SLFN12L: variants seen among roughly 807,000 people sequenced by gnomAD.
The protein encoded by SLFN12L is schlafen family member 12-like.
Under a neutral mutation model 34.8 loss-of-function variants are expected in SLFN12L, and 34 were observed. The ratio of observed to expected loss-of-function variants is 0.98; its 90% CI spans 0.74 to 1.30. The LOEUF is 1.30. SLFN12L is among the 50% of genes most tolerant of loss of function. The pLI is 0.00. For synonymous variants in SLFN12L, 259 were observed against 247.5 expected (o/e 1.05, Z -0.44); for missense variants, 703 against 696.2 (o/e 1.01, Z -0.11).
intron 2 of SLFN12L, among the ~76,000 whole-genome samples, chr17:35,505,060 T>C (rs965654406): frequency 1.3e-5 from 2 of 152,194 alleles, no homozygotes; most frequent in Middle Eastern, 3.2e-3. Flanking sequence ...TGAAGTCCCA[T>C]GAGGAATACC....
chr17:35,522,438 C>T lies in SLFN12L; in HGVS notation c.-74G>A. On this transcript the variant is annotated 5_prime_UTR_variant, in exon 2 of 5. Coordinates refer to ENST00000628453, the MANE Select transcript of SLFN12L (RefSeq NM_001363830.2). ...AAACAATTCTCTGTTCTTGTGGAAG[C>T]TTCTGGAGAATATCTCATACTGCTG... 1 of 1,614,082 alleles carries T rather than the reference C, an allele frequency of 6.2e-7. No homozygotes were observed. Among genetic ancestry groups the T allele is most frequent in the East Asian group, 2.2e-5 (1 of 44,880 alleles).
At chr17:35,478,043 C>A in intron 4 of SLFN12L, 32 bp downstream of exon 4, 2 of 1,395,378 alleles carry the variant, frequency 1.4e-6, no homozygotes, top group South Asian at 2.5e-5. Context: ...ACAGTTACAC[C>A]AACAACTCCA....
Position 35,468,914 on chromosome 17 carries a change from T to C in SLFN12L, c.*6009A>G, listed in dbSNP as rs1273422434. Among the ~76,000 whole-genome samples the C allele has an allele frequency of 6.6e-6, 1 of 151,924 alleles. No homozygotes were observed. The highest frequency in any genetic ancestry group is 1.9e-4 in the East Asian group (1 of 5,178). On this transcript the variant is annotated 3_prime_UTR_variant, in exon 5 of 5. Transcript: ENST00000628453. ...ACCTGTAGTCCCAGCTACTCAAGAGTCTGAGGCAGGAGAATCTCTTGATGT... is the reference window on the plus strand; with the variant it reads ...ACCTGTAGTCCCAGCTACTCAAGAGCCTGAGGCAGGAGAATCTCTTGATGT...
At chr17:35,506,350 C>T (rs1915465013) in intron 2 of SLFN12L, among the ~76,000 whole-genome samples, 1 of 152,182 alleles carries the variant, frequency 6.6e-6, no homozygotes, top group South Asian at 2.1e-4. Context: ...AATGTAGATA[C>T]TGGTCTTGTG....
chr17:35,507,571 T>C (rs1244726744), intron 2 of SLFN12L, among the ~76,000 whole-genome samples: 1 of 152,204 alleles, frequency 6.6e-6, no homozygotes, highest in Non-Finnish European at 1.5e-5. Context: ...GTTGAAGACA[T>C]AGTTAGAAAT....
chr17:35,488,665 C>T (rs190210746), intron 2 of SLFN12L, among the ~76,000 whole-genome samples: 6 of 152,320 alleles, frequency 3.9e-5, no homozygotes, highest in Non-Finnish European at 8.8e-5. Context: ...CCCTTTCTCC[C>T]TAGCTCCATC....
intron 1 of SLFN12L, among the ~76,000 whole-genome samples, chr17:35,524,959 G>A (rs2072319447): frequency 6.6e-6 from 1 of 151,832 alleles, no homozygotes; most frequent in Non-Finnish European, 1.5e-5. Context: ...TAAGAACCTT[G>A]AAAAAAGGTT....
intron 1 of SLFN12L, among the ~76,000 whole-genome samples, chr17:35,536,056 C>A (rs1215283286): frequency 6.6e-6 from 1 of 151,652 alleles, no homozygotes; most frequent in African/African-American, 2.4e-5. Flanking sequence ...TGGGCTCAAG[C>A]GATCTTCCCA....
chr17:35,530,279 G>A (rs1417265616), intron 1 of SLFN12L, among the ~76,000 whole-genome samples: 5 of 148,114 alleles, frequency 3.4e-5, no homozygotes, highest in South Asian at 2.2e-4. Context: ...CCCGGGAGGC[G>A]GAGGTTGCAG....
chr17:35,507,203 T>C (rs1597864656), intron 2 of SLFN12L, among the ~76,000 whole-genome samples: 1 of 152,186 alleles, frequency 6.6e-6, no homozygotes, highest in South Asian at 2.1e-4. Context: ...GGCTTCCCTG[T>C]CTATGCTTCC....
chr17:35,522,897 T>C lies in SLFN12L; in HGVS notation c.-533A>G, dbSNP rs1916041506. 2 of 706,798 alleles carry C rather than the reference T, an allele frequency of 2.8e-6. No homozygotes were observed. Among genetic ancestry groups the C allele is most frequent in the Non-Finnish European group, 4.9e-6 (2 of 406,850 alleles). The allele number at this position is 706,798 out of a possible 1,614,324, so 43.8% of individuals were successfully genotyped here. A position where few individuals can be genotyped will look rare whatever the true frequency, so the allele number is the denominator to read the frequency against. The stretch of plus-strand genomic sequence containing the variant: ...TTGGGTTTGCTTATTTATTAACTCC[T>C]CTAATCCTTCATTCTGTGAGGACAG... On this transcript the variant is annotated 5_prime_UTR_variant, in exon 2 of 5. Transcript: ENST00000628453.
intron 2 of SLFN12L, among the ~76,000 whole-genome samples, chr17:35,508,013 T>C (rs899561727): frequency 1.3e-5 from 2 of 152,220 alleles, no homozygotes; most frequent in Non-Finnish European, 2.9e-5. Flanking sequence ...GCAGATAGCC[T>C]GGTGCCGTGC....
chr17:35,500,940 G>A (rs1915273408), intron 2 of SLFN12L, among the ~76,000 whole-genome samples: 1 of 152,172 alleles, frequency 6.6e-6, no homozygotes, highest in Admixed American at 6.5e-5. Context: ...GCCCTTAAAA[G>A]GGACAGGAAT....
intron 2 of SLFN12L, chr17:35,499,165 T>C (rs1268890777): frequency 2.1e-6 from 2 of 939,746 alleles, no homozygotes; most frequent in Non-Finnish European, 3.3e-6. Context: ...GCTTGTGATA[T>C]TCTGGAGGAG....
intron 2 of SLFN12L, chr17:35,514,901 C>A: frequency 2.4e-6 from 1 of 411,186 alleles, no homozygotes; most frequent in South Asian, 2.0e-5. Context: ...CTGTGGCTGT[C>A]CACACACAGC....
At chr17:35,484,981 TTTGTCC>T (rs1914520639) in intron 2 of SLFN12L, among the ~76,000 whole-genome samples, 1 of 152,204 alleles carries the variant, frequency 6.6e-6, no homozygotes, top group Non-Finnish European at 1.5e-5. Context: ...TTTCTAGGAA[TTTGTCC>T]ATTTCATCTA....
chr17:35,516,898 C>T (rs8066424), intron 2 of SLFN12L, among the ~76,000 whole-genome samples: 97,116 of 152,114 alleles, frequency 0.64, 33,027 homozygotes, highest in Non-Finnish European at 0.75. Flanking sequence ...CATTTTGACA[C>T]GTAATCCATT....
rs2142127013 is a variant in SLFN12L, at chr17:35,478,127, A to G, written c.1224T>C (p.Pro408=). The G allele has an allele frequency of 1.9e-6, 3 of 1,545,608 alleles. No individual in the cohort carries two copies. Among genetic ancestry groups the G allele is most frequent in the Non-Finnish European group, 2.6e-6 (3 of 1,141,954 alleles). ...TTTTGAAGTTAATATATTCACGAAG[A>G]GGATAACTCTGGGAGACAGGTGATG... ...STSSPVSQSY[P]LREYINFKIQ... Residue 408 remains proline (P), a synonymous_variant, in exon 4 of 5, where the codon CCT becomes CCC. Transcript: ENST00000628453.
rs1380736066 is a variant in SLFN12L at position 35,530,423 on chromosome 17, AAGG to A, written c.-606+7147_-606+7149del. On this transcript the variant is annotated intron_variant, in intron 1 of 4. Coordinates refer to ENST00000628453, the MANE Select transcript of SLFN12L (RefSeq NM_001363830.2). Reference sequence around the variant, plus strand: ...GAAGGAAGGAAGGAAGGAAGGAAGGAAGGAAGGGAAGGGAAGGGAAGAAAGAAA... The same window carrying A: ...GAAGGAAGGAAGGAAGGAAGGAAGGAAAGGGAAGGGAAGGGAAGAAAGAAA... Among the ~76,000 whole-genome samples, 4 of 16,750 alleles carry A rather than the reference AAGG, an allele frequency of 2.4e-4. 2 individuals carry two copies. Among genetic ancestry groups the A allele is most frequent in the Non-Finnish European group, 5.1e-4 (4 of 7,854 alleles). 11.0% of individuals were successfully genotyped at this position (16,750 alleles called of 152,430 possible).
Sources: gnomAD v4.1 joint callset for allele counts (sites outside exome capture counted in the v4.1 genomes callset) on GRCh38, gnomAD v4.1.1 for gene constraint, MANE v1.5 for transcripts, NCBI Gene and HGNC (gene_info 2026-07-23, HGNC 2026-07-21) for gene names.